CENPN: variants seen among roughly 807,000 people sequenced by gnomAD.
CENPN encodes the protein centromere protein N.
A neutral mutation model predicts 48.6 loss-of-function variants in CENPN; 36 were observed. The ratio of observed to expected loss-of-function variants is 0.74; its 90% CI spans 0.57 to 0.98. The LOEUF is 0.98. CENPN is among the 50% of genes least tolerant of loss of function. The pLI is 0.00. For missense variants in CENPN, 439 were observed against 399.2 expected (o/e 1.10, Z -0.85); for synonymous variants, 166 against 135.2 (o/e 1.23, Z -1.58).
At chr16:81,007,437 C>G (rs1007895897) in intron 1 of CENPN, 160 bp downstream of exon 1, 5 of 152,162 alleles carry the variant, frequency 3.3e-5, no homozygotes, top group Non-Finnish European at 5.9e-5. Context: ...AACTACGGTT[C>G]GGGCCGAGGT....
intron 8 of CENPN, among the ~76,000 whole-genome samples, chr16:81,026,166 T>C (rs1489223417): frequency 6.8e-6 from 1 of 147,172 alleles, no homozygotes; most frequent in Non-Finnish European, 1.5e-5. Context: ...TGTATATATA[T>C]GTGTATATAT....
chr16:81,022,520 T>A, intron 6 of CENPN, 77 bp from the exon 7 acceptor site: 1 of 1,247,070 alleles, frequency 8.0e-7, no homozygotes. Context: ...ATTGCAGCTC[T>A]TACATTTTAC....
chr16:81,022,471 C>G, intron 6 of CENPN, 126 bp from the exon 7 acceptor site: 3 of 777,310 alleles, frequency 3.9e-6, no homozygotes, highest in Non-Finnish European at 2.1e-6. Flanking sequence ...AGATGTTTTT[C>G]TAGACTTCTT....
downstream of CENPN, chr16:81,032,784 G>GTTA: frequency 7.4e-7 from 1 of 1,345,740 alleles, no homozygotes; most frequent in Non-Finnish European, 1.0e-6. Flanking sequence ...GACTAATGCA[G>GTTA]GCCTCCTTGT....
intron 2 of CENPN, among the ~76,000 whole-genome samples, chr16:81,013,404 G>C (rs146545883): frequency 1.3e-5 from 2 of 152,328 alleles, no homozygotes; most frequent in East Asian, 1.9e-4. Context: ...TGGGAACCAA[G>C]AAGAGTGGAA....
At chr16:81,012,435 T>A (rs1037408506) in intron 2 of CENPN, among the ~76,000 whole-genome samples, 1 of 152,226 alleles carries the variant, frequency 6.6e-6, no homozygotes, top group South Asian at 2.1e-4. Flanking sequence ...CCCAGATGTA[T>A]TGGCAAACTT....
At position 81,022,480 on chromosome 16, in the gene CENPN, T is replaced by G. The variant is rs150299819; in HGVS notation, c.532-117T>G. 1,066 of 860,866 alleles carry G rather than the reference T, an allele frequency of 1.2e-3. 20 individuals are homozygous for G. The East Asian group carries it at 0.023, about 19-fold the overall frequency. The allele number at this position is 860,866 out of a possible 1,614,324, so 53.3% of individuals were successfully genotyped here. ...GCTATCAGATGTTTTTCTAGACTTC[T>G]TTTTACACTTACGGGGAAACTATTC... On this transcript the variant is annotated intron_variant, in intron 6 of 10. Coordinates refer to ENST00000305850, the MANE Select transcript of CENPN (RefSeq NM_001100624.3).
At chr16:81,028,540 T>C in intron 10 of CENPN, 29 bp from the exon 11 acceptor site, 1 of 1,514,644 alleles carries the variant, frequency 6.6e-7, no homozygotes, top group Non-Finnish European at 8.8e-7. Context: ...TTAATTTTCT[T>C]TTTCCCTTTT....
At chr16:81,017,662 A>T (rs1222307565) in intron 4 of CENPN, 96 bp from the exon 5 acceptor site, 2 of 869,848 alleles carry the variant, frequency 2.3e-6, no homozygotes, top group African/African-American at 1.7e-5. Flanking sequence ...CTCTGGAATT[A>T]TACAAAATGC....
In CENPN at chr16:81,028,167, A is replaced by G; in HGVS notation, c.811-4A>G. The G allele has an allele frequency of 6.2e-7, 1 of 1,603,146 alleles. No homozygotes were observed. The highest frequency in any genetic ancestry group is 8.5e-7 in the Non-Finnish European group (1 of 1,170,054). On this transcript the variant is annotated splice_polypyrimidine_tract_variant and splice_region_variant and intron_variant, in intron 9 of 10. Transcript: ENST00000305850. ...AATAGTCATTTATAAATGTTTGTTG[A>G]CAGCTTGAAACGAAATTCAAAAGTG... is the stretch of plus-strand genomic sequence containing the variant.
Position 81,011,227 on chromosome 16 carries a change from A to G in CENPN, c.-10-703A>G, listed in dbSNP as rs560908690. Reference sequence around the variant, plus strand: ...CTTCCACCACATGACTCCTTCTCCTACAAGGATTGCCCCCAAGTCATGTTC... The same window carrying G: ...CTTCCACCACATGACTCCTTCTCCTGCAAGGATTGCCCCCAAGTCATGTTC... On this transcript the variant is annotated intron_variant, in intron 1 of 10. Transcript: ENST00000305850. Among the ~76,000 whole-genome samples the G allele has an allele frequency of 1.9e-3, 291 of 152,224 alleles. 2 individuals are homozygous for G. The highest frequency in any genetic ancestry group is 6.4e-3 in the African/African-American group (266 of 41,528).
intron 1 of CENPN, 79 bp downstream of exon 1, chr16:81,007,356 G>A (rs185565577): frequency 0.012 from 1,902 of 152,432 alleles, 15 homozygotes; most frequent in Non-Finnish European, 0.018. Context: ...AGGCCTCGGG[G>A]GTGGCTTTTT....
intron 3 of CENPN, among the ~76,000 whole-genome samples, chr16:81,016,003 C>CAA (rs34585116): frequency 1.6e-4 from 23 of 141,032 alleles, no homozygotes; most frequent in South Asian, 1.2e-3. Flanking sequence ...GACTCTGTCT[C>CAA]AAAAAAAAAA....
chr16:81,007,564 G>A (rs1363304108), intron 1 of CENPN: 1 of 152,280 alleles, frequency 6.6e-6, no homozygotes, highest in Non-Finnish European at 1.5e-5. Flanking sequence ...TGTGACCAGG[G>A]GCTCCGCTCT....
chr16:81,022,761 G>C (rs890575759), intron 7 of CENPN, 63 bp downstream of exon 7: 1 of 1,613,946 alleles, frequency 6.2e-7, no homozygotes, highest in East Asian at 2.2e-5. Flanking sequence ...ACAGGAGTTA[G>C]AAGCTACTGG....
rs1048267642 is a variant in CENPN, at chr16:81,029,683, C to G, written c.*1032C>G. 6.6e-6 allele frequency among the ~76,000 whole-genome samples: 1 copy of G among 152,138 alleles called. No homozygotes were observed. The highest frequency in any genetic ancestry group is 2.4e-5 in the African/African-American group (1 of 41,434). On this transcript the variant is annotated 3_prime_UTR_variant, in exon 11 of 11. Transcript: ENST00000305850. Reference sequence around the variant, plus strand: ...CTCTGCCTCCTGGGTTGAAGAGATTCTCCTGCCTCAGCCTCTGAGTAGCTG... The same window carrying G: ...CTCTGCCTCCTGGGTTGAAGAGATTGTCCTGCCTCAGCCTCTGAGTAGCTG...
chr16:81,017,711 CATT>C (rs762906709), intron 4 of CENPN, 44 bp from the exon 5 acceptor site: 8 of 1,279,970 alleles, frequency 6.3e-6, no homozygotes, highest in South Asian at 2.6e-5. Flanking sequence ...TTACTGAAGA[CATT>C]GTAGCTCCCT....
At chr16:81,010,836 C>T (rs1034300639) in intron 1 of CENPN, among the ~76,000 whole-genome samples, 1 of 152,152 alleles carries the variant, frequency 6.6e-6, no homozygotes, top group Non-Finnish European at 1.5e-5. Flanking sequence ...CATCTGGAAA[C>T]CCCGTGAGTT....
rs760941954 is a variant in CENPN, at chr16:81,017,736, TA to T, written c.278-21del. ...CATTGTAGCTCCCTTGATTTTTCTTTATTTTTTTTTCACTTTGGCAGGTGAA... is the reference window on the plus strand; with the variant it reads ...CATTGTAGCTCCCTTGATTTTTCTTTTTTTTTTTTCACTTTGGCAGGTGAA... On this transcript the variant is annotated intron_variant, in intron 4 of 10. Coordinates refer to ENST00000305850, the MANE Select transcript of CENPN (RefSeq NM_001100624.3). The T allele has an allele frequency of 1.1e-5, 17 of 1,540,580 alleles. No individual in the cohort carries two copies. In the Admixed American group the frequency reaches 2.6e-4, roughly 23 times the overall value.
Sources: allele counts gnomAD v4.1 joint callset (sites outside exome capture counted in the v4.1 genomes callset), GRCh38; gene constraint gnomAD v4.1.1; transcripts MANE v1.5; gene names NCBI Gene and HGNC (gene_info 2026-07-23, HGNC 2026-07-21).